The following BLTP2 variants were observed in gnomAD, a reference collection of about 807,000 sequenced individuals.
BLTP2 encodes U937-associated antigen.
At chr17:28,615,014 G>C in the BLTP2 span, 1 of 1,551,248 alleles carries the variant, frequency 6.4e-7, no homozygotes, top group Non-Finnish European at 8.8e-7. Context: ...CAAGTCCCTG[G>C]AGCCTGAGCC....
At chr17:28,645,005 C>T in the BLTP2 span, 2 of 1,592,200 alleles carry the variant, frequency 1.3e-6, no homozygotes, top group Middle Eastern at 1.7e-4. Flanking sequence ...AGAAAGAGGG[C>T]GCTAAGCGCA....
the BLTP2 span, chr17:28,643,979 T>C: frequency 6.6e-7 from 1 of 1,516,678 alleles, no homozygotes; most frequent in Non-Finnish European, 8.9e-7. Flanking sequence ...AGGATTTCTA[T>C]TTTTAAAAAA....
At chr17:28,634,438 G>A in the BLTP2 span, 2 of 1,351,260 alleles carry the variant, frequency 1.5e-6, no homozygotes, top group Non-Finnish European at 2.0e-6. Context: ...ATATAACCTA[G>A]TTCCTCTGAA....
the BLTP2 span, among the ~76,000 whole-genome samples, chr17:28,626,310 T>C: frequency 1.2e-4 from 19 of 152,244 alleles, 2 homozygotes; most frequent in Admixed American, 1.2e-3. Flanking sequence ...TTTCCAGTCC[T>C]TTCTCTCACT....
chr17:28,639,364 G>A, the BLTP2 span: 3 of 1,614,152 alleles, frequency 1.9e-6, no homozygotes, highest in Non-Finnish European at 2.5e-6. Flanking sequence ...TGGGTTTCCA[G>A]TGCTAGCAGG....
the BLTP2 span, chr17:28,624,265 G>A: frequency 4.3e-6 from 7 of 1,614,016 alleles, no homozygotes; most frequent in African/African-American, 2.7e-5. Flanking sequence ...AGGCAGTTTC[G>A]GTTGTATATG....
At chr17:28,637,202 C>T in the BLTP2 span, 1 of 1,583,396 alleles carries the variant, frequency 6.3e-7, no homozygotes, top group Non-Finnish European at 8.7e-7. Flanking sequence ...AGCCTTGGTT[C>T]CCGGCTCTCA....
chr17:28,615,286 A>C, the BLTP2 span: 1 of 1,513,510 alleles, frequency 6.6e-7, no homozygotes, highest in Non-Finnish European at 9.0e-7. Context: ...TGTAAATATT[A>C]GTGGGCAGGC....
the BLTP2 span, chr17:28,633,031 G>C: frequency 6.3e-7 from 1 of 1,583,654 alleles, no homozygotes; most frequent in African/African-American, 1.4e-5. Context: ...CTGGCCCAAG[G>C]GCACCTCAGG....
At chr17:28,628,500 A>G in the BLTP2 span, 1 of 1,614,196 alleles carries the variant, frequency 6.2e-7, no homozygotes. Flanking sequence ...AAATCCGTAA[A>G]TCTACTAAGT....
chr17:28,636,902 C>CA, the BLTP2 span: 3 of 1,198,240 alleles, frequency 2.5e-6, no homozygotes, highest in Admixed American at 2.1e-5. Context: ...AAAAAAAAGA[C>CA]AGAGAAAGGC....
the BLTP2 span, among the ~76,000 whole-genome samples, chr17:28,629,875 A>G: frequency 3.9e-5 from 6 of 152,224 alleles, no homozygotes; most frequent in East Asian, 7.7e-4. Context: ...TCAGCCTCCC[A>G]AAGTGTAGGG....
chr17:28,634,738 G>T, the BLTP2 span: 2 of 1,614,114 alleles, frequency 1.2e-6, no homozygotes, highest in Non-Finnish European at 1.7e-6. Context: ...GAGACGACGG[G>T]AACGCTGGAT....
At chr17:28,636,945 C>T in the BLTP2 span, 1 of 1,606,900 alleles carries the variant, frequency 6.2e-7, no homozygotes, top group Non-Finnish European at 8.5e-7. Flanking sequence ...CCTGGCCCCA[C>T]CTCTCCACAG....
At chr17:28,631,583 C>T in the BLTP2 span, 1 of 1,614,154 alleles carries the variant, frequency 6.2e-7, no homozygotes, top group Non-Finnish European at 8.5e-7. Flanking sequence ...GCATTCTCTT[C>T]AGTGGGTGAG....
chr17:28,621,102 G>A, the BLTP2 span: 4 of 1,614,114 alleles, frequency 2.5e-6, no homozygotes, highest in Non-Finnish European at 3.4e-6. Context: ...TAGTACATTC[G>A]GCAGTTGCAA....
At chr17:28,638,166 C>T in the BLTP2 span, 1 of 1,592,998 alleles carries the variant, frequency 6.3e-7, no homozygotes, top group Non-Finnish European at 8.6e-7. Context: ...AATGCACTTC[C>T]TGCTGCATTA....
the BLTP2 span, among the ~76,000 whole-genome samples, chr17:28,636,404 G>A: frequency 6.6e-6 from 1 of 152,152 alleles, no homozygotes; most frequent in Non-Finnish European, 1.5e-5. Flanking sequence ...TTAATGGGCC[G>A]AGGGCTTCAG....
chr17:28,634,525 C>T, the BLTP2 span: 14 of 1,612,898 alleles, frequency 8.7e-6, no homozygotes, highest in Non-Finnish European at 1.2e-5. Flanking sequence ...ACCCAGAAAG[C>T]TCTTGACATT....
Sources: allele counts gnomAD v4.1 joint callset (sites outside exome capture counted in the v4.1 genomes callset), GRCh38; gene constraint gnomAD v4.1.1; transcripts MANE v1.5; gene names NCBI Gene and HGNC (gene_info 2026-07-23, HGNC 2026-07-21).